Variants in UBE2V1 observed in about 807,000 individuals in gnomAD.
UBE2V1 encodes the protein ubiquitin conjugating enzyme E2 V1.
Under a neutral mutation model 19.6 loss-of-function variants are expected in UBE2V1, and 15 were observed. The observed-to-expected ratio is 0.77, with a 90% CI of 0.51 to 1.18. The LOEUF (loss-of-function observed/expected upper bound fraction) is 1.18. UBE2V1 is among the 50% of genes most tolerant of loss of function. UBE2V1 has a pLI of 0.00. For synonymous variants in UBE2V1, 60 were observed against 60.7 expected, an observed-to-expected ratio of 0.99 and a Z score of 0.05; for missense variants, 125 against 184.8, an observed-to-expected ratio of 0.68 and a Z score of 1.88.
Position 50,098,452 on chromosome 20 carries a change from T to C in UBE2V1, c.23-1632A>G, listed in dbSNP as rs11086301. 4.3e-3 allele frequency among the ~76,000 whole-genome samples: 649 copies of C among 152,292 alleles called. 4 individuals carry two copies. Among genetic ancestry groups the C allele is most frequent in the African/African-American group, 0.015 (605 of 41,560 alleles). On this transcript the variant is annotated intron_variant, in intron 1 of 3. Transcript: ENST00000371674. ...AGAAGCAGCTAGGAGGCTACTGCAA[T>C]AATCCTAGCAAAAGATAATACCCGT...
chr20:50,085,142 G>A (rs889471530), intron 2 of UBE2V1, among the ~76,000 whole-genome samples: 12 of 151,594 alleles, frequency 7.9e-5, no homozygotes, highest in African/African-American at 2.7e-4. Context: ...TGCCCTCTTC[G>A]GCCTCCCAAA....
intron 1 of UBE2V1, among the ~76,000 whole-genome samples, chr20:50,102,901 C>A (rs1569007007): frequency 6.6e-6 from 1 of 152,196 alleles, no homozygotes; most frequent in Non-Finnish European, 1.5e-5. Flanking sequence ...AAGAGGCATC[C>A]TTACATCCCG....
chr20:50,094,043 ATAT>A (rs2079432199), intron 2 of UBE2V1, among the ~76,000 whole-genome samples: 2 of 138,984 alleles, frequency 1.4e-5, no homozygotes, highest in South Asian at 2.1e-4. Context: ...AAATATATAT[ATAT>A]AAAATATATT....
At chr20:50,100,976 T>C (rs1261044580) in intron 1 of UBE2V1, among the ~76,000 whole-genome samples, 1 of 152,234 alleles carries the variant, frequency 6.6e-6, no homozygotes, top group East Asian at 1.9e-4. Flanking sequence ...CAAAATATAT[T>C]AGTAATTAAT....
At position 50,096,779 on chromosome 20, in the gene UBE2V1, C is replaced by T. The variant is rs2079651282; in HGVS notation, c.64G>A (p.Glu22Lys). The T allele has an allele frequency of 1.9e-6, 3 of 1,614,120 alleles. No homozygotes were observed. Among genetic ancestry groups the T allele is most frequent in the South Asian group, 1.1e-5 (1 of 91,080 alleles). The change falls in exon 2 of 4, where the codon GAA becomes AAA. Residue 22 changes from glutamate to lysine, a missense_variant. Transcript: ENST00000371674. ...TCTCCTACTCCTTTCTGGCCTTCTT[C>T]GAGTTCTTCCAACAGTCGGAAATTG... ...PRNFRLLEEL[E>K]EGQKGVGDGT... is the part of the protein sequence containing the mutation.
intron 1 of UBE2V1, among the ~76,000 whole-genome samples, chr20:50,102,427 C>G (rs904429314): frequency 6.6e-6 from 1 of 152,186 alleles, no homozygotes; most frequent in Non-Finnish European, 1.5e-5. Context: ...TCATTGTACT[C>G]TCACCAATGA....
At chr20:50,088,147 C>CA (rs1375528331) in intron 2 of UBE2V1, among the ~76,000 whole-genome samples, 2 of 134,604 alleles carry the variant, frequency 1.5e-5, no homozygotes, top group East Asian at 4.3e-4. Context: ...AGACAGTCTA[C>CA]AAAATACCTG....
chr20:50,115,284 G>C (rs1167091166), upstream of UBE2V1, among the ~76,000 whole-genome samples: 2 of 152,252 alleles, frequency 1.3e-5, no homozygotes, highest in Admixed American at 6.5e-5. Context: ...AGCCTTCCTC[G>C]ATTCCTCCAA....
chr20:50,101,764 T>A (rs1302025816), intron 1 of UBE2V1, among the ~76,000 whole-genome samples: 1 of 152,064 alleles, frequency 6.6e-6, no homozygotes, highest in Non-Finnish European at 1.5e-5. Context: ...ATCTAGGGGC[T>A]ATGAACAAAA....
chr20:50,109,735 G>A (rs1401713495), intron 1 of UBE2V1, among the ~76,000 whole-genome samples: 2 of 118,238 alleles, frequency 1.7e-5, no homozygotes, highest in African/African-American at 3.3e-5. Flanking sequence ...GTGACAGGGC[G>A]AAACTCCGTC....
rs1360654207 is a variant in UBE2V1 at position 50,089,192 on chromosome 20, G to A, written c.172-4938C>T. 5.9e-5 allele frequency among the ~76,000 whole-genome samples: 9 copies of A among 152,310 alleles called. No individual in the cohort carries two copies. The East Asian group carries it at 1.7e-3, about 29-fold the overall frequency. On this transcript the variant is annotated intron_variant, in intron 2 of 3. Transcript: ENST00000371674. ...GCAGGATGGAAACTCTTAAGGGAGGGGGGGATAAGCTGGAGTTTACCAGGG... is the reference window on the plus strand; with the variant it reads ...GCAGGATGGAAACTCTTAAGGGAGGAGGGGATAAGCTGGAGTTTACCAGGG...
intron 1 of UBE2V1, among the ~76,000 whole-genome samples, chr20:50,099,587 C>A (rs527697898): frequency 6.6e-5 from 10 of 152,234 alleles, no homozygotes; most frequent in African/African-American, 2.2e-4. Flanking sequence ...ACTGCACCCC[C>A]ACGCAAGGAC....
chr20:50,096,383 G>C (rs778288243), intron 2 of UBE2V1: 3 of 537,776 alleles, frequency 5.6e-6, no homozygotes, highest in Non-Finnish European at 9.2e-6. Context: ...TTAGCCCAGA[G>C]ATTGTTCTGA....
upstream of UBE2V1, among the ~76,000 whole-genome samples, chr20:50,113,406 GGAAGGCGCGATTGT>G (rs1415682226): frequency 4.6e-5 from 7 of 152,226 alleles, no homozygotes; most frequent in African/African-American, 1.7e-4. Flanking sequence ...ACTAGGCTTG[GGAAGGCGCGATTGT>G]GAAAGAAAAA....
intron 2 of UBE2V1, among the ~76,000 whole-genome samples, chr20:50,091,410 C>T (rs57805946): frequency 0.012 from 1,353 of 112,264 alleles, 31 homozygotes; most frequent in African/African-American, 0.046. Context: ...TAACTTAAGG[C>T]TTTTTTTTTT....
chr20:50,106,874 C>CAAAAAAAAAA (rs57532245), intron 1 of UBE2V1, among the ~76,000 whole-genome samples: 2 of 124,672 alleles, frequency 1.6e-5, no homozygotes, highest in African/African-American at 3.2e-5. Context: ...ACAACAACAA[C>CAAAAAAAAAA]AAAAAAAAAA....
chr20:50,091,620 T>C (rs1279427906), intron 2 of UBE2V1, among the ~76,000 whole-genome samples: 1 of 152,082 alleles, frequency 6.6e-6, no homozygotes, highest in African/African-American at 2.4e-5. Flanking sequence ...CTTGAACTCC[T>C]GACCTCAGGT....
At chr20:50,084,053 G>C in intron 3 of UBE2V1, 76 bp downstream of exon 3, 3 of 1,517,580 alleles carry the variant, frequency 2.0e-6, no homozygotes, top group Non-Finnish European at 2.6e-6. Flanking sequence ...ATTGGGCCCA[G>C]TCTAAAAGCT....
In UBE2V1 at chr20:50,082,693, T is replaced by C; in HGVS notation, c.*75A>G. 6.4e-7 allele frequency: 1 copy of C among 1,567,660 alleles called. No homozygotes were observed. Among genetic ancestry groups the C allele is most frequent in the Non-Finnish European group, 8.6e-7 (1 of 1,166,142 alleles). The stretch of plus-strand genomic sequence containing the variant: ...GGTCTACAAGACGTATCTAGAAAAT[T>C]TACTACTGTGGAAAATGAAGACTGA... On this transcript the variant is annotated 3_prime_UTR_variant, in exon 4 of 4. Coordinates refer to ENST00000371674, the MANE Select transcript of UBE2V1 (RefSeq NM_001032288.3).
Sources: allele counts gnomAD v4.1 joint callset (sites outside exome capture counted in the v4.1 genomes callset), GRCh38; gene constraint gnomAD v4.1.1; transcripts MANE v1.5; gene names NCBI Gene and HGNC (gene_info 2026-07-23, HGNC 2026-07-21).